RASA1: variants seen among roughly 807,000 people sequenced by gnomAD.
RASA1 encodes the protein ras GTPase-activating protein 1.
A neutral mutation model predicts 132.2 loss-of-function variants in RASA1; 25 were observed. The ratio of observed to expected loss-of-function variants is 0.19; its 90% CI spans 0.14 to 0.26. The LOEUF (loss-of-function observed/expected upper bound fraction) is 0.26, where lower values mean the gene tolerates loss of function less well. RASA1 is among the 10% of genes least tolerant of loss of function. The pLI, the probability that RASA1 is intolerant of heterozygous loss-of-function variation, is 1.00. For synonymous variants in RASA1, 477 were observed against 449.9 expected (o/e 1.06, Z -0.76); for missense variants, 964 against 1,299.2 (o/e 0.74, Z 3.97).
At chr5:87,308,290 A>G (rs1422843840) in intron 1 of RASA1, among the ~76,000 whole-genome samples, 1 of 151,944 alleles carries the variant, frequency 6.6e-6, no homozygotes, top group Admixed American at 6.6e-5. Flanking sequence ...ATAGTTTGAG[A>G]GAAAAAGTGG....
intron 11 of RASA1, among the ~76,000 whole-genome samples, chr5:87,365,193 C>G (rs3804233): frequency 0.37 from 55,643 of 151,812 alleles, 10,562 homozygotes; most frequent in East Asian, 0.5. Context: ...ATAGGTGTCC[C>G]CTGAGATACT....
At chr5:87,345,793 G>C (rs781033116) in intron 6 of RASA1, among the ~76,000 whole-genome samples, 6 of 151,984 alleles carry the variant, frequency 3.9e-5, no homozygotes, top group Non-Finnish European at 7.4e-5. Flanking sequence ...TTTCTAGCTT[G>C]CTCTTTATTA....
rs753915358 is a variant in RASA1, at chr5:87,377,004, T to A, written c.2308T>A (p.Leu770Ile). The A allele has an allele frequency of 6.2e-7, 1 of 1,613,870 alleles. No individual in the cohort carries two copies. Among genetic ancestry groups the A allele is most frequent in the Non-Finnish European group, 8.5e-7 (1 of 1,179,804 alleles). ...FLHEKLESLL[L>I]CTLNDREISM... ...TCACGAAAAGCTTGAATCGTTGTTGTTATGCACACTAAATGACAGAGAAAT... is the reference window on the plus strand; with the variant it reads ...TCACGAAAAGCTTGAATCGTTGTTGATATGCACACTAAATGACAGAGAAAT... The change falls in exon 17 of 25, where the codon TTA becomes ATA. Residue 770 changes from leucine (L) to isoleucine (I), a missense_variant. Leu to Ile is a conservative substitution (Grantham distance 5, BLOSUM62 2). Around this residue, in one of 6 missense-constraint regions of RASA1, gnomAD observed 346 missense variants for 520.1 expected, o/e 0.67. Coordinates refer to ENST00000274376, the MANE Select transcript of RASA1 (RefSeq NM_002890.3).
chr5:87,337,927 G>A (rs1354895474), intron 4 of RASA1, 47 bp from the exon 5 acceptor site: 2 of 1,520,578 alleles, frequency 1.3e-6, no homozygotes, highest in Non-Finnish European at 1.8e-6. Flanking sequence ...TCTAATCTCT[G>A]TATTTAAAAT....
At chr5:87,307,327 G>A (rs1263237929) in intron 1 of RASA1, among the ~76,000 whole-genome samples, 2 of 151,752 alleles carry the variant, frequency 1.3e-5, no homozygotes, top group Non-Finnish European at 2.9e-5. Context: ...ATGAAACTTT[G>A]CAAATTATTA....
intron 9 of RASA1, among the ~76,000 whole-genome samples, chr5:87,354,208 C>A (rs1759485071): frequency 6.6e-6 from 1 of 152,094 alleles, no homozygotes; most frequent in African/African-American, 2.4e-5. Flanking sequence ...AATCTTGTCA[C>A]ATTTTAACAT....
At chr5:87,360,930 T>A (rs577358089) in intron 9 of RASA1, among the ~76,000 whole-genome samples, 1 of 152,328 alleles carries the variant, frequency 6.6e-6, no homozygotes, top group African/African-American at 2.4e-5. Flanking sequence ...TCTGAATATT[T>A]TAAGTATGTT....
At chr5:87,346,929 TA>T (rs1424819223) in intron 7 of RASA1, among the ~76,000 whole-genome samples, 1 of 152,050 alleles carries the variant, frequency 6.6e-6, no homozygotes, top group Non-Finnish European at 1.5e-5. Context: ...GTTTTTCTTT[TA>T]CCCCAGGCCC....
intron 18 of RASA1, 111 bp downstream of exon 18, chr5:87,378,649 C>A: frequency 2.5e-6 from 3 of 1,181,420 alleles, no homozygotes; most frequent in South Asian, 1.4e-5. Context: ...TAAAATTATT[C>A]CTCATAGCAG....
chr5:87,352,442 T>C (rs1027794150), intron 8 of RASA1, among the ~76,000 whole-genome samples: 1 of 151,702 alleles, frequency 6.6e-6, no homozygotes, highest in Non-Finnish European at 1.5e-5. Flanking sequence ...TTCCAAGATT[T>C]CCATATTCAG....
Position 87,374,336 on chromosome 5 carries a change from TCATTA to T in RASA1, c.1934+22_1934+26del, listed in dbSNP as rs1214299206. 1.3e-6 allele frequency: 2 copies of T among 1,593,568 alleles called. No individual in the cohort carries two copies. Among genetic ancestry groups the T allele is most frequent in the Non-Finnish European group, 1.7e-6 (2 of 1,166,718 alleles). On this transcript the variant is annotated intron_variant, in intron 14 of 24. Coordinates refer to ENST00000274376, the MANE Select transcript of RASA1 (RefSeq NM_002890.3). Reference sequence around the variant, plus strand: ...TTGTCTTTGAGTAAGTCTTATTTTATCATTACATTAATCATTTTCTTTTACCATAT... The same window carrying T: ...TTGTCTTTGAGTAAGTCTTATTTTATCATTAATCATTTTCTTTTACCATAT...
intron 13 of RASA1, among the ~76,000 whole-genome samples, chr5:87,373,248 C>A (rs1351389561): frequency 3.3e-5 from 5 of 151,514 alleles, no homozygotes; most frequent in African/African-American, 4.9e-5. Context: ...AACCATGGGT[C>A]GAAAAAATAC....
intron 9 of RASA1, among the ~76,000 whole-genome samples, 171 bp downstream of exon 9, chr5:87,353,406 T>C (rs1759426017): frequency 6.6e-6 from 1 of 152,110 alleles, no homozygotes; most frequent in East Asian, 1.9e-4. Context: ...TTTATCTATG[T>C]TGATTTTAGG....
chr5:87,290,199 A>C (rs1050106972), intron 1 of RASA1, among the ~76,000 whole-genome samples: 2 of 152,206 alleles, frequency 1.3e-5, no homozygotes, highest in Non-Finnish European at 2.9e-5. Flanking sequence ...CAATGAGGAC[A>C]AGGAGGATGC....
intron 1 of RASA1, among the ~76,000 whole-genome samples, chr5:87,285,721 CG>C (rs1754528725): frequency 1.3e-5 from 2 of 148,946 alleles, no homozygotes; most frequent in Non-Finnish European, 3.0e-5. Flanking sequence ...CAGGTTCAAG[CG>C]ATTCTTCTGT....
At chr5:87,321,591 T>TA (rs1222173218) in intron 1 of RASA1, among the ~76,000 whole-genome samples, 1 of 152,220 alleles carries the variant, frequency 6.6e-6, no homozygotes, top group Non-Finnish European at 1.5e-5. Flanking sequence ...AAGGATATGT[T>TA]AAAGGATACA....
intron 1 of RASA1, among the ~76,000 whole-genome samples, chr5:87,303,126 T>C (rs1321521432): frequency 6.6e-6 from 1 of 152,180 alleles, no homozygotes; most frequent in East Asian, 1.9e-4. Context: ...ATTAGTCTAC[T>C]TGTCTATCTT....
At chr5:87,307,024 G>GT (rs1755648906) in intron 1 of RASA1, among the ~76,000 whole-genome samples, 1 of 151,944 alleles carries the variant, frequency 6.6e-6, no homozygotes, top group Admixed American at 6.6e-5. Flanking sequence ...TGTGTGCAGC[G>GT]TATTTGTTTT....
chr5:87,389,346 A>G (rs759247745), intron 23 of RASA1, 47 bp from the exon 24 acceptor site: 3 of 1,611,602 alleles, frequency 1.9e-6, no homozygotes, highest in Non-Finnish European at 2.5e-6. Flanking sequence ...AAAACAAAAA[A>G]AAAGAAGATT....
Sources: gnomAD v4.1 joint callset for allele counts (sites outside exome capture counted in the v4.1 genomes callset) on GRCh38, gnomAD v4.1.1 for gene constraint, gnomAD v4.1.1 regional missense constraint, MANE v1.5 for transcripts, NCBI Gene and HGNC (gene_info 2026-07-23, HGNC 2026-07-21) for gene names.